The following TC2N variants were observed in gnomAD, a reference collection of about 807,000 sequenced individuals.
TC2N encodes tandem C2 domains nuclear protein.
In TC2N, 51 loss-of-function variants were observed where a neutral mutation model predicts 61.9. The observed-to-expected ratio is 0.82, with a 90% CI of 0.66 to 1.04. The LOEUF (loss-of-function observed/expected upper bound fraction) is 1.04. Among genes scored for constraint, TC2N ranks in the 50% least tolerant of loss-of-function variants. The pLI is 0.00. For synonymous variants in TC2N, 204 were observed against 192.6 expected (o/e 1.06, Z -0.49); for missense variants, 556 against 566.7 (o/e 0.98, Z 0.19).
rs1885129074 is a variant in TC2N at position 91,781,479 on chromosome 14, T to G, written c.*1621A>C. On this transcript the variant is annotated 3_prime_UTR_variant, in exon 12 of 12. Coordinates refer to ENST00000435962, the MANE Select transcript of TC2N (RefSeq NM_001128596.3). ...GGATACTGATAGCCTGGGAGGCTGT[T>G]GAGGGCTTTGTCAGGGGAGAAAGGA... 1 of 152,096 alleles carries G rather than the reference T, an allele frequency of 6.6e-6. No homozygotes were observed. The highest frequency in any genetic ancestry group is 2.1e-4 in the South Asian group (1 of 4,830). The allele number at this position is 152,096 out of a possible 1,614,324, so 9.4% of individuals were successfully genotyped here.
At chr14:91,792,294 C>G (rs1305099759) in intron 9 of TC2N, 73 bp downstream of exon 9, 24 of 947,526 alleles carry the variant, frequency 2.5e-5, no homozygotes, top group Non-Finnish European at 3.1e-5. Flanking sequence ...AGGCTATTCT[C>G]TAACAAACAA....
At chr14:91,785,085 T>TTATC in intron 11 of TC2N, 77 bp downstream of exon 11, 1 of 984,592 alleles carries the variant, frequency 1.0e-6, no homozygotes, top group Admixed American at 2.2e-5. Flanking sequence ...GACTTTAATA[T>TTATC]TATCCTGTAT....
chr14:91,842,369 G>A (rs1285947355), intron 1 of TC2N, among the ~76,000 whole-genome samples: 1 of 152,192 alleles, frequency 6.6e-6, no homozygotes, highest in Non-Finnish European at 1.5e-5. Flanking sequence ...TTATGCCCTA[G>A]TAGTGGTCTC....
At chr14:91,858,714 G>A (rs569149000) in intron 1 of TC2N, among the ~76,000 whole-genome samples, 2 of 152,242 alleles carry the variant, frequency 1.3e-5, no homozygotes, top group Middle Eastern at 6.8e-3. Context: ...CTCATCTGTT[G>A]TGTGTGGTGG....
intron 3 of TC2N, among the ~76,000 whole-genome samples, chr14:91,810,282 G>A (rs1886705647): frequency 6.6e-6 from 1 of 152,002 alleles, no homozygotes; most frequent in African/African-American, 2.4e-5. Flanking sequence ...CCTCCCACCA[G>A]GCCCCACCTC....
intron 11 of TC2N, among the ~76,000 whole-genome samples, chr14:91,784,865 C>T (rs1318213713): frequency 6.6e-6 from 1 of 152,074 alleles, no homozygotes; most frequent in African/African-American, 2.4e-5. Context: ...TTAATGTTCC[C>T]TCCTTCCACA....
Position 91,812,470 on chromosome 14 carries a change from G to A in TC2N, c.143C>T (p.Ser48Phe), listed in dbSNP as rs1595246587. Residue 48 changes from serine (S) to phenylalanine (F), a missense_variant, in exon 3 of 12, where the codon TCT becomes TTT. By Grantham distance (155) the Ser-to-Phe change is radical. Transcript: ENST00000435962. ...NATISVPPLT[S>F]VSVKPQLGCT... The stretch of plus-strand genomic sequence containing the variant: ...GCCAAGCTGAGGCTTTACAGAAACA[G>A]AAGTCAATGGAGGTACAGAGATAGT... 6.2e-7 allele frequency: 1 copy of A among 1,612,128 alleles called. No individual in the cohort carries two copies. The highest frequency in any genetic ancestry group is 8.5e-7 in the Non-Finnish European group (1 of 1,178,660).
chr14:91,806,991 A>G (rs756791094), intron 3 of TC2N, among the ~76,000 whole-genome samples: 1 of 152,222 alleles, frequency 6.6e-6, no homozygotes, highest in Non-Finnish European at 1.5e-5. Flanking sequence ...CAGTTGCTCT[A>G]GCAATGGCTA....
chr14:91,807,288 G>C (rs1886554525), intron 3 of TC2N, among the ~76,000 whole-genome samples: 1 of 152,186 alleles, frequency 6.6e-6, no homozygotes, highest in African/African-American at 2.4e-5. Context: ...GTAGAGCTGT[G>C]AGAAGAAGGC....
At chr14:91,787,976 T>G (rs532229622) in intron 9 of TC2N, among the ~76,000 whole-genome samples, 20 of 152,146 alleles carry the variant, frequency 1.3e-4, no homozygotes, top group Admixed American at 9.8e-4. Flanking sequence ...AACAACTAAA[T>G]GTAGTCAAAT....
chr14:91,786,707 T>A (rs1885380900), intron 10 of TC2N, among the ~76,000 whole-genome samples: 1 of 152,236 alleles, frequency 6.6e-6, no homozygotes, highest in Non-Finnish European at 1.5e-5. Context: ...TGAAATTATA[T>A]CCTCTTCATT....
chr14:91,834,356 T>C (rs1034299512), intron 1 of TC2N, among the ~76,000 whole-genome samples: 1 of 152,254 alleles, frequency 6.6e-6, no homozygotes, highest in Non-Finnish European at 1.5e-5. Context: ...CTTCTGCTAC[T>C]TAACCATGAG....
At chr14:91,784,971 C>T (rs1885292745) in intron 11 of TC2N, among the ~76,000 whole-genome samples, 191 bp downstream of exon 11, 1 of 152,108 alleles carries the variant, frequency 6.6e-6, no homozygotes. Flanking sequence ...AACCTGATTG[C>T]TCAGAAATTC....
chr14:91,813,224 C>G (rs111407080), intron 2 of TC2N, among the ~76,000 whole-genome samples: 8 of 151,868 alleles, frequency 5.3e-5, no homozygotes, highest in African/African-American at 1.4e-4. Context: ...AAATGTGAGT[C>G]TTCATAGTTA....
At chr14:91,783,353 G>C (rs888970288) in intron 11 of TC2N, 143 bp from the exon 12 acceptor site, 2 of 547,192 alleles carry the variant, frequency 3.7e-6, no homozygotes, top group Non-Finnish European at 6.4e-6. Context: ...TTTTCCAAAA[G>C]TCAGATTGAT....
intron 1 of TC2N, among the ~76,000 whole-genome samples, chr14:91,828,196 A>AT (rs1279399146): frequency 6.6e-6 from 1 of 152,092 alleles, no homozygotes. Context: ...TGATTTTTAT[A>AT]TTTTTTTGTG....
intron 8 of TC2N, among the ~76,000 whole-genome samples, chr14:91,796,585 C>CT (rs71120196): frequency 1 from 152,184 of 152,184 alleles, 76,092 homozygotes; most frequent in Non-Finnish European, 1. Flanking sequence ...GACTGGTATC[C>CT]TTTAAGAAGA....
In TC2N at chr14:91,835,699, C is replaced by T. The variant is rs1887966411; in HGVS notation, c.-56-21874G>A. ...ACCTAGCTGGGTAGATTGTGGTTTG[C>T]AAACACCACAGTAAAGGGACACTTT... On this transcript the variant is annotated intron_variant, in intron 1 of 11. Transcript: ENST00000435962. 1.3e-5 allele frequency among the ~76,000 whole-genome samples: 2 copies of T among 152,218 alleles called. 1 individual carries two copies. The highest frequency in any genetic ancestry group is 4.1e-4 in the South Asian group (2 of 4,834).
At chr14:91,839,009 G>A (rs1039299165) in intron 1 of TC2N, among the ~76,000 whole-genome samples, 47 of 152,234 alleles carry the variant, frequency 3.1e-4, no homozygotes, top group African/African-American at 1.0e-3. Flanking sequence ...ATTTGAGGCC[G>A]ATCTAAGGAG....
Sources: gnomAD v4.1 joint callset for allele counts (sites outside exome capture counted in the v4.1 genomes callset) on GRCh38, gnomAD v4.1.1 for gene constraint, MANE v1.5 for transcripts, NCBI Gene and HGNC (gene_info 2026-07-23, HGNC 2026-07-21) for gene names.